The following RORC variants were observed in gnomAD, a reference collection of about 807,000 sequenced individuals.
RORC encodes RAR related orphan receptor C.
RORC carries 13 observed loss-of-function variants against 64.5 expected under a neutral mutation model. That is an observed-to-expected ratio of 0.20 (90% CI 0.13 to 0.32). RORC has a LOEUF of 0.32. Ranked by LOEUF, RORC falls within the 10% of genes least tolerant of loss-of-function variation. The probability of loss-of-function intolerance (pLI) is 1.00; values close to 1 mark genes in which losing one functional copy is unlikely to be tolerated. For missense variants in RORC, 468 were observed against 669.5 expected (o/e 0.70, Z 3.32); for synonymous variants, 277 against 259.3 (o/e 1.07, Z -0.65).
At chr1:151,824,283 C>T (rs1652107381) in intron 2 of RORC, among the ~76,000 whole-genome samples, 1 of 152,124 alleles carries the variant, frequency 6.6e-6, no homozygotes, top group South Asian at 2.1e-4. Context: ...ACTTCCCCGC[C>T]TGGGTGGGGC....
In RORC at chr1:151,817,213, G is replaced by A. The variant is rs199749252; in HGVS notation, c.138C>T (p.Ile46=). 1.8e-5 allele frequency: 29 copies of A among 1,613,952 alleles called. No homozygotes were observed. In the South Asian group the frequency reaches 3.1e-4, roughly 17 times the overall value. ...GACTCACCTTGCACCCCTCACAGGT[G>A]ATAACCCCGTAGTGGATCCCAGACG... ...DKSSGIHYGV[I]TCEGCKGFFR... The change falls in exon 3 of 11, where the codon ATC becomes ATT. Residue 46 remains isoleucine, a synonymous_variant. Coordinates refer to ENST00000318247, the MANE Select transcript of RORC (RefSeq NM_005060.4).
At chr1:151,831,638 C>A in intron 1 of RORC, 87 bp downstream of exon 1, 1 of 1,606,274 alleles carries the variant, frequency 6.2e-7, no homozygotes, top group Non-Finnish European at 8.5e-7. Flanking sequence ...CCCCTCCTCA[C>A]TTCTTGCCCA....
chr1:151,815,578 C>T (rs980268882), intron 4 of RORC, among the ~76,000 whole-genome samples, 153 bp from the exon 5 acceptor site: 5 of 152,218 alleles, frequency 3.3e-5, no homozygotes, highest in African/African-American at 4.8e-5. Flanking sequence ...AACTTATGCT[C>T]AAGACCCCGT....
intron 6 of RORC, 161 bp downstream of exon 6, chr1:151,814,413 C>T (rs1651663252): frequency 2.9e-6 from 2 of 679,942 alleles, no homozygotes; most frequent in South Asian, 1.9e-5. Context: ...CAGATACACA[C>T]ATTCGCAACT....
chr1:151,814,501 C>A, intron 6 of RORC, 73 bp downstream of exon 6: 1 of 1,510,090 alleles, frequency 6.6e-7, no homozygotes, highest in East Asian at 2.3e-5. Context: ...CCCAGTCGTG[C>A]GCAGGTAGCC....
intron 2 of RORC, among the ~76,000 whole-genome samples, chr1:151,825,400 C>T (rs758719959): frequency 7.2e-5 from 11 of 152,140 alleles, no homozygotes; most frequent in South Asian, 2.1e-4. Context: ...GAGGCCTGGA[C>T]GCGGGGATTC....
rs201953038 is a variant in RORC at position 151,813,288 on chromosome 1, C to T, written c.1125G>A (p.Thr375=). The change falls in exon 8 of 11, where the codon ACG becomes ACA. Residue 375 remains threonine (T), a synonymous_variant. Coordinates refer to ENST00000318247, the MANE Select transcript of RORC (RefSeq NM_005060.4). ...MCRAYNADNR[T]VFFEGKYGGM... ...CACCGTATTTGCCTTCAAAAAAGAC[C>T]GTGCGGTTGTCAGCATTGTAGGCCC... 122 of 1,614,070 alleles carry T rather than the reference C, an allele frequency of 7.6e-5. No homozygotes were observed. Among genetic ancestry groups the T allele is most frequent in the Non-Finnish European group, 9.3e-5 (110 of 1,180,034 alleles).
At chr1:151,825,899 C>T (rs747875222) in intron 2 of RORC, 7 of 1,613,028 alleles carry the variant, frequency 4.3e-6, no homozygotes, top group Admixed American at 3.3e-5. Context: ...GGTCCAGGCT[C>T]CCCCGCCCCC....
chr1:151,826,111 C>T, intron 2 of RORC: 1 of 1,349,362 alleles, frequency 7.4e-7, no homozygotes, highest in Admixed American at 3.3e-5. Flanking sequence ...GGTTTAAGCT[C>T]TGCACCACAC....
chr1:151,815,342 G>C lies in RORC; in HGVS notation c.382C>G (p.Gln128Glu), dbSNP rs774023701. The C allele has an allele frequency of 1.0e-5, 16 of 1,590,054 alleles. No individual in the cohort carries two copies. Among genetic ancestry groups the C allele is most frequent in the Non-Finnish European group, 1.3e-5 (15 of 1,167,868 alleles). Reference sequence around the variant, plus strand: ...GTCTTGACCACTGGTTCCTGTTGCTGCTGTTGCCGCTGCTGCAGCTGTTTC... The same window carrying C: ...GTCTTGACCACTGGTTCCTGTTGCTCCTGTTGCCGCTGCTGCAGCTGTTTC... ...VQKQLQQRQQ[Q>E]QQEPVVKTPP... The change falls in exon 5 of 11, where the codon CAG (glutamine) becomes GAG (glutamate). Residue 128 changes from glutamine to glutamate, a missense_variant. This residue lies in a region of RORC where 241 missense variants were observed against 295.5 expected (regional missense o/e 0.82). Transcript: ENST00000318247.
chr1:151,816,163 T>C (rs1400280635), intron 4 of RORC, among the ~76,000 whole-genome samples: 1 of 152,064 alleles, frequency 6.6e-6, no homozygotes, highest in African/African-American at 2.4e-5. Context: ...GAGGAGGTGG[T>C]GGGTGAGGAG....
intron 6 of RORC, 178 bp downstream of exon 6, chr1:151,814,396 G>T (rs1397316941): frequency 1.6e-6 from 1 of 632,322 alleles, no homozygotes; most frequent in East Asian, 2.8e-5. Context: ...ATCTGCTGGG[G>T]TGTAGACAGA....
chr1:151,806,644 C>T lies in RORC; in HGVS notation c.*828G>A, dbSNP rs906611820. 2 of 152,226 alleles carry T rather than the reference C, an allele frequency of 1.3e-5. No homozygotes were observed. Among genetic ancestry groups the T allele is most frequent in the African/African-American group, 4.8e-5 (2 of 41,446 alleles). The allele number at this position is 152,226 out of a possible 1,614,324, so 9.4% of individuals were successfully genotyped here. ...AGGATAAGAGAGATTGTGTCAGGTT[C>T]ATGTGTCTCTGGAACTGCATGATTG... is the stretch of plus-strand genomic sequence containing the variant. On this transcript the variant is annotated 3_prime_UTR_variant, in exon 11 of 11. Coordinates refer to ENST00000318247, the MANE Select transcript of RORC (RefSeq NM_005060.4).
chr1:151,830,160 ACC>A lies in RORC; in HGVS notation c.41-704_41-703del, dbSNP rs202003197. Among the ~76,000 whole-genome samples, 149 of 151,820 alleles carry A rather than the reference ACC, an allele frequency of 9.8e-4. No homozygotes were observed. Among genetic ancestry groups the A allele is most frequent in the Non-Finnish European group, 1.7e-3 (114 of 67,902 alleles). ...GAGGAGGGGAGAGTTGCAAATACAG[ACC>A]CCTCTCTGGCTTCCACGGGCCAGGC... On this transcript the variant is annotated intron_variant, in intron 1 of 10. Coordinates refer to ENST00000318247, the MANE Select transcript of RORC (RefSeq NM_005060.4). The surrounding 1 kb of genome is among the most constrained non-coding windows in gnomAD (Gnocchi z 4.0).
intron 2 of RORC, among the ~76,000 whole-genome samples, chr1:151,827,966 GCTCACCCGC>G (rs1211048096): frequency 7.2e-6 from 1 of 138,302 alleles, no homozygotes; most frequent in East Asian, 2.2e-4. Flanking sequence ...CCCTCCCCCA[GCTCACCCGC>G]GTCACTCCCT....
chr1:151,831,728 G>C lies in RORC; in HGVS notation c.37C>G (p.Arg13Gly). Residue 13 changes from arginine (R) to glycine (G), a missense_variant, in exon 1 of 11, where the codon CGG becomes GGG. Around this residue, in one of 5 missense-constraint regions of RORC, gnomAD observed 21 missense variants for 20.6 expected, o/e 1.02. Coordinates refer to ENST00000318247, the MANE Select transcript of RORC (RefSeq NM_005060.4). Reference protein sequence around the residue: ...RAPQRQHRASRELLAAKKTHT... With the variant: ...RAPQRQHRASGELLAAKKTHT... ...GGCAGGGCCATGGGCCTCTTACCCC[G>C]TGAGGCTCGGTGCTGTCTCTGTGGG... 1 of 1,610,702 alleles carries C rather than the reference G, an allele frequency of 6.2e-7. No homozygotes were observed.
chr1:151,825,824 C>T lies in RORC; in HGVS notation c.70+3605G>A, dbSNP rs974649758. ...ATCTTGACCTTGACCAGGACGCACC[C>T]TGCTTTGCTCAGATTTGCTCACACT... On this transcript the variant is annotated intron_variant, in intron 2 of 10. Coordinates refer to ENST00000318247, the MANE Select transcript of RORC (RefSeq NM_005060.4). 24 of 1,392,062 alleles carry T rather than the reference C, an allele frequency of 1.7e-5. No homozygotes were observed. The East Asian group carries it at 5.2e-4, about 30-fold the overall frequency. 86.2% of individuals were successfully genotyped at this position (1,392,062 alleles called of 1,614,324 possible).
intron 2 of RORC, chr1:151,826,035 C>T (rs1255051563): frequency 1.1e-5 from 17 of 1,594,470 alleles, no homozygotes; most frequent in Non-Finnish European, 1.4e-5. Context: ...GGGCGAGGCC[C>T]TCTCAGCAGC....
At chr1:151,819,582 G>A (rs1047257318) in intron 2 of RORC, among the ~76,000 whole-genome samples, 2 of 152,156 alleles carry the variant, frequency 1.3e-5, no homozygotes, top group South Asian at 2.1e-4. Context: ...AGGCCAAGCC[G>A]CAGTGGGAAC....
Sources: allele counts gnomAD v4.1 joint callset (sites outside exome capture counted in the v4.1 genomes callset), GRCh38; gene constraint gnomAD v4.1.1; regional missense constraint gnomAD v4.1.1; non-coding constraint Gnocchi (gnomAD v3.1); transcripts MANE v1.5; gene names NCBI Gene and HGNC (gene_info 2026-07-23, HGNC 2026-07-21).